Variants in ADAMTSL3 observed in about 807,000 individuals in gnomAD.
The protein encoded by ADAMTSL3 is ADAMTS-like protein 3.
In ADAMTSL3, 128 loss-of-function variants were observed where a neutral mutation model predicts 201.7. The observed-to-expected ratio is 0.63, with a 90% CI of 0.55 to 0.73. ADAMTSL3 has a LOEUF of 0.73. ADAMTSL3 is among the 30% of genes least tolerant of loss of function. ADAMTSL3 has a pLI of 0.00. For missense variants in ADAMTSL3, 1,990 were observed against 2,119.6 expected, an observed-to-expected ratio of 0.94 and a Z score of 1.20; for synonymous variants, 738 against 748.4, an observed-to-expected ratio of 0.99 and a Z score of 0.23.
At position 84,025,359 on chromosome 15, in the gene ADAMTSL3, T is replaced by C. The variant is rs1359099027; in HGVS notation, c.4579T>C (p.Cys1527Arg). Residue 1527 changes from cysteine (C) to arginine (R), a missense_variant, in exon 27 of 30, where the codon TGT becomes CGT. Physicochemically the swap from Cys to Arg is radical, Grantham distance 180 (BLOSUM62 -3). Transcript: ENST00000286744. ...GTVQVVSPRA[C>R]APKDRPLGRK... ...TGTGCAGGTGGTGTCTCCAAGAGCA[T>C]GTGCCCCTAAAGACCGGCCTCTGGG... 6.2e-7 allele frequency: 1 copy of C among 1,614,148 alleles called. No individual in the cohort carries two copies. The highest frequency in any genetic ancestry group is 1.7e-5 in the Admixed American group (1 of 60,026).
chr15:83,990,969 G>C, intron 22 of ADAMTSL3, 117 bp from the exon 23 acceptor site: 1 of 1,448,102 alleles, frequency 6.9e-7, no homozygotes, highest in Non-Finnish European at 9.4e-7. Flanking sequence ...GATACAGAGA[G>C]AACCAGGACT....
intron 16 of ADAMTSL3, among the ~76,000 whole-genome samples, chr15:83,917,154 C>G (rs2066048839): frequency 6.6e-6 from 1 of 152,166 alleles, no homozygotes; most frequent in Non-Finnish European, 1.5e-5. Flanking sequence ...CTTCAACATT[C>G]TTATTTCTGC....
chr15:83,882,439 G>T (rs2065292410), intron 9 of ADAMTSL3, among the ~76,000 whole-genome samples: 1 of 152,094 alleles, frequency 6.6e-6, no homozygotes, highest in African/African-American at 2.4e-5. Context: ...ATCAGTCCTT[G>T]TTTAGATTCT....
At chr15:83,803,972 G>A (rs1018757567) in intron 4 of ADAMTSL3, among the ~76,000 whole-genome samples, 2 of 152,026 alleles carry the variant, frequency 1.3e-5, no homozygotes, top group African/African-American at 2.4e-5. Context: ...GTGTAACCCC[G>A]TCTCTAATAA....
intron 23 of ADAMTSL3, among the ~76,000 whole-genome samples, chr15:84,002,353 T>C (rs1472974485): frequency 6.6e-6 from 1 of 152,188 alleles, no homozygotes; most frequent in African/African-American, 2.4e-5. Context: ...AGTCCTATTG[T>C]TAACAACACT....
chr15:83,944,349 A>G (rs935376679), intron 19 of ADAMTSL3, among the ~76,000 whole-genome samples: 5 of 152,146 alleles, frequency 3.3e-5, no homozygotes, highest in Non-Finnish European at 7.4e-5. Context: ...TCCAAAACAC[A>G]TAATTAGTTA....
At chr15:83,828,902 T>G (rs995571464) in intron 6 of ADAMTSL3, among the ~76,000 whole-genome samples, 1 of 152,248 alleles carries the variant, frequency 6.6e-6, no homozygotes, top group African/African-American at 2.4e-5. Context: ...GATAAGTTTT[T>G]TGATGTGCTG....
At chr15:83,970,666 A>G (rs2067180678) in intron 20 of ADAMTSL3, 29 bp downstream of exon 20, 2 of 1,610,910 alleles carry the variant, frequency 1.2e-6, no homozygotes, top group African/African-American at 1.3e-5. Flanking sequence ...CGCTTCACCA[A>G]GATATGCTGA....
chr15:84,030,440 T>C (rs923560704), intron 27 of ADAMTSL3, among the ~76,000 whole-genome samples: 13 of 152,190 alleles, frequency 8.5e-5, no homozygotes, highest in Admixed American at 4.6e-4. Context: ...GACTGCCCCA[T>C]TGGATTTTGG....
At chr15:83,867,994 C>A (rs1038259623) in intron 8 of ADAMTSL3, among the ~76,000 whole-genome samples, 19 of 152,144 alleles carry the variant, frequency 1.2e-4, no homozygotes, top group African/African-American at 4.6e-4. Flanking sequence ...CTAATTTTTA[C>A]TCTTTTTGAG....
chr15:84,014,793 T>C, intron 24 of ADAMTSL3, 69 bp downstream of exon 24: 1 of 1,469,240 alleles, frequency 6.8e-7, no homozygotes, highest in Non-Finnish European at 9.2e-7. Context: ...CCCAGTTTTG[T>C]TGATTTTGGA....
intron 17 of ADAMTSL3, among the ~76,000 whole-genome samples, chr15:83,933,063 G>A (rs1166054671): frequency 6.6e-6 from 1 of 152,128 alleles, no homozygotes; most frequent in Non-Finnish European, 1.5e-5. Flanking sequence ...GTCAAAAATG[G>A]TCAAATATTG....
At chr15:83,824,031 T>C (rs760086167) in intron 6 of ADAMTSL3, among the ~76,000 whole-genome samples, 3 of 150,892 alleles carry the variant, frequency 2.0e-5, no homozygotes, top group Non-Finnish European at 2.9e-5. Flanking sequence ...TTCTTCCTTC[T>C]TTCTTTTTTT....
chr15:83,854,278 T>C (rs540452578), intron 7 of ADAMTSL3, among the ~76,000 whole-genome samples: 1 of 152,246 alleles, frequency 6.6e-6, no homozygotes, highest in African/African-American at 2.4e-5. Flanking sequence ...AAGAGTTCAT[T>C]CCAGTTGTAT....
intron 17 of ADAMTSL3, among the ~76,000 whole-genome samples, chr15:83,940,856 TAATATGGGAATTCA>T (rs1350203935): frequency 6.6e-6 from 1 of 152,150 alleles, no homozygotes; most frequent in African/African-American, 2.4e-5. Flanking sequence ...ACATTTAAGA[TAATATGGGAATTCA>T]CCTGTTTCTT....
chr15:83,723,038 A>C (rs1429622613), intron 3 of ADAMTSL3, among the ~76,000 whole-genome samples: 1 of 152,226 alleles, frequency 6.6e-6, no homozygotes, highest in Non-Finnish European at 1.5e-5. Context: ...CATTCAAATG[A>C]GAAGTTAAAG....
intron 4 of ADAMTSL3, among the ~76,000 whole-genome samples, chr15:83,794,315 C>T (rs542379632): frequency 4.1e-4 from 62 of 152,224 alleles, no homozygotes; most frequent in African/African-American, 1.5e-3. Context: ...GCATTTTTCT[C>T]AGATAAATGA....
chr15:83,739,361 T>G (rs1342738949), intron 3 of ADAMTSL3, among the ~76,000 whole-genome samples: 1 of 150,878 alleles, frequency 6.6e-6, no homozygotes, highest in East Asian at 2.0e-4. Context: ...CTGAAACTTT[T>G]TGTACATTGA....
chr15:83,696,807 A>T (rs1274576933), intron 2 of ADAMTSL3, among the ~76,000 whole-genome samples: 1 of 152,188 alleles, frequency 6.6e-6, no homozygotes, highest in Non-Finnish European at 1.5e-5. Flanking sequence ...GACGTGAAGC[A>T]GGGGGAGAGT....
Sources: allele counts gnomAD v4.1 joint callset (sites outside exome capture counted in the v4.1 genomes callset), GRCh38; gene constraint gnomAD v4.1.1; transcripts MANE v1.5; gene names NCBI Gene and HGNC (gene_info 2026-07-23, HGNC 2026-07-21).